BIN2: variants seen among roughly 807,000 people sequenced by gnomAD.
BIN2 encodes breast cancer associated protein BRAP1.
A neutral mutation model predicts 67.9 loss-of-function variants in BIN2; 43 were observed. The observed-to-expected ratio is 0.63, with a 90% CI of 0.50 to 0.82. The LOEUF is 0.82. Among genes scored for constraint, BIN2 ranks in the 40% least tolerant of loss-of-function variants. The pLI is 0.00. For synonymous variants in BIN2, 244 were observed against 246.8 expected (o/e 0.99, Z 0.11); for missense variants, 581 against 671.6 (o/e 0.87, Z 1.49).
At chr12:51,310,310 T>C (rs1204880272) in intron 2 of BIN2, among the ~76,000 whole-genome samples, 1 of 152,146 alleles carries the variant, frequency 6.6e-6, no homozygotes. Context: ...CCTAGTATCA[T>C]TAACAAATAA....
chr12:51,315,426 C>T (rs1449913876), intron 1 of BIN2, among the ~76,000 whole-genome samples: 2 of 152,220 alleles, frequency 1.3e-5, no homozygotes, highest in African/African-American at 2.4e-5. Flanking sequence ...CCCGCCTCGG[C>T]CTCCCAAAGT....
Position 51,292,213 on chromosome 12 carries a change from T to C in BIN2, c.893A>G (p.Asp298Gly), listed in dbSNP as rs1945404555. 1 of 1,610,930 alleles carries C rather than the reference T, an allele frequency of 6.2e-7. No homozygotes were observed. The highest frequency in any genetic ancestry group is 8.5e-7 in the Non-Finnish European group (1 of 1,180,012). ...CCCTTGGGCTGCATCAGGTGCCAGA[T>C]CTTCAGTTGCTGAGACAGATTCACT... ...SESESVSATE[D>G]LAPDAAQGED... The change falls in exon 10 of 13, where the codon GAT becomes GGT. Residue 298 changes from aspartate to glycine, a missense_variant. Transcript: ENST00000615107.
intron 9 of BIN2, among the ~76,000 whole-genome samples, chr12:51,294,364 C>T (rs1945475087): frequency 6.6e-6 from 1 of 152,102 alleles, no homozygotes; most frequent in African/African-American, 2.4e-5. Flanking sequence ...GTCAGAAGTT[C>T]AAGACCAGCC....
chr12:51,312,208 A>G (rs1038473750), intron 2 of BIN2, among the ~76,000 whole-genome samples: 3 of 152,240 alleles, frequency 2.0e-5, no homozygotes, highest in Admixed American at 6.5e-5. Context: ...CCTGATAAGA[A>G]TTATCACAAA....
At chr12:51,300,497 TCTCCCC>T (rs1945694063) in intron 5 of BIN2, among the ~76,000 whole-genome samples, 1 of 152,096 alleles carries the variant, frequency 6.6e-6, no homozygotes, top group South Asian at 2.1e-4. Context: ...AGTAGCCCCA[TCTCCCC>T]TTATACAACT....
intron 9 of BIN2, 31 bp downstream of exon 9, chr12:51,295,765 G>T: frequency 1.9e-6 from 3 of 1,595,402 alleles, no homozygotes; most frequent in Non-Finnish European, 2.6e-6. Flanking sequence ...CACAGGACAA[G>T]CGAAGCAAAA....
At chr12:51,310,050 A>G (rs766903) in intron 2 of BIN2, among the ~76,000 whole-genome samples, 28,827 of 152,202 alleles carry the variant, frequency 0.19, 2,854 homozygotes, top group South Asian at 0.24. Context: ...CTGGCCCTGC[A>G]ACTTATATGC....
chr12:51,285,912 A>G (rs768852396), intron 11 of BIN2, among the ~76,000 whole-genome samples: 2 of 152,140 alleles, frequency 1.3e-5, no homozygotes, highest in African/African-American at 2.4e-5. Context: ...GCACCTGGCC[A>G]ACAGAACCAA....
rs775050 is a variant in BIN2 at position 51,318,390 on chromosome 12, T to C, written c.82-4487A>G. On this transcript the variant is annotated intron_variant, in intron 1 of 12. Transcript: ENST00000615107. ...CATTCTTCTGCCTCAGCCTCCCAAG[T>C]AGCTGGGATTACAGGTGCCCACCAC... Among the ~76,000 whole-genome samples the C allele has an allele frequency of 3.8e-3, 585 of 152,158 alleles. 1 individual carries two copies. Among genetic ancestry groups the C allele is most frequent in the African/African-American group, 0.014 (565 of 41,540 alleles).
chr12:51,314,490 T>C (rs922939242), intron 1 of BIN2, among the ~76,000 whole-genome samples: 2 of 152,064 alleles, frequency 1.3e-5, no homozygotes, highest in Non-Finnish European at 2.9e-5. Flanking sequence ...TATATTAATA[T>C]AAAGCTCAGA....
chr12:51,296,999 G>C, intron 8 of BIN2, 90 bp downstream of exon 8: 2 of 1,211,912 alleles, frequency 1.7e-6, no homozygotes, highest in Middle Eastern at 2.2e-4. Flanking sequence ...GTGCCAATAC[G>C]GATATTTAAA....
Position 51,292,239 on chromosome 12 carries a change from C to G in BIN2, c.867G>C (p.Glu289Asp), listed in dbSNP as rs756105970. 52 of 1,606,590 alleles carry G rather than the reference C, an allele frequency of 3.2e-5. No individual in the cohort carries two copies. The South Asian group carries it at 5.3e-4, about 16-fold the overall frequency. ...CTTCAGTTGCTGAGACAGATTCACT[C>G]TCACTCTTCAAGGAAAGTGTAGAGG... Reference protein sequence around the residue: ...TSPSTLSLKSESESVSATEDL... With the variant: ...TSPSTLSLKSDSESVSATEDL... The change falls in exon 10 of 13, where the codon GAG becomes GAC. Residue 289 changes from glutamate (E) to aspartate (D), a missense_variant. By Grantham distance (45) the Glu-to-Asp change is conservative (BLOSUM62 2). Coordinates refer to ENST00000615107, the MANE Select transcript of BIN2 (RefSeq NM_016293.4).
intron 2 of BIN2, among the ~76,000 whole-genome samples, chr12:51,309,144 A>G (rs553916957): frequency 1.2e-3 from 183 of 151,960 alleles, no homozygotes; most frequent in African/African-American, 4.2e-3. Context: ...CAACTTCTGG[A>G]ACACTTCACT....
At chr12:51,288,890 C>A (rs541695764) in intron 10 of BIN2, among the ~76,000 whole-genome samples, 125 of 152,030 alleles carry the variant, frequency 8.2e-4, no homozygotes, top group African/African-American at 2.8e-3. Flanking sequence ...GCTGGGATTA[C>A]GGCACACACC....
chr12:51,298,514 G>A (rs963173304), intron 7 of BIN2, among the ~76,000 whole-genome samples: 2 of 151,962 alleles, frequency 1.3e-5, no homozygotes, highest in African/African-American at 4.8e-5. Flanking sequence ...ACTCCAGCCT[G>A]GGTGACAGAA....
At chr12:51,301,110 C>T (rs1426504508) in intron 5 of BIN2, among the ~76,000 whole-genome samples, 3 of 151,946 alleles carry the variant, frequency 2.0e-5, no homozygotes, top group South Asian at 2.1e-4. Context: ...CCCAGCTACT[C>T]GGGAGGCTGA....
upstream of BIN2, chr12:51,324,649 G>A: frequency 1.9e-6 from 2 of 1,026,316 alleles, no homozygotes; most frequent in Non-Finnish European, 2.7e-6. Flanking sequence ...ACCCGAGCCG[G>A]GCTTGAAAGA....
In BIN2 at chr12:51,292,209, C is replaced by T; in HGVS notation, c.897G>A (p.Leu299=). 3 of 1,611,268 alleles carry T rather than the reference C, an allele frequency of 1.9e-6. No homozygotes were observed. Among genetic ancestry groups the T allele is most frequent in the Non-Finnish European group, 2.5e-6 (3 of 1,180,012 alleles). The change falls in exon 10 of 13, where the codon CTG becomes CTA. Residue 299 remains leucine, a synonymous_variant. Transcript: ENST00000615107. ...ESESVSATED[L]APDAAQGEDN... ...CTTCCCCTTGGGCTGCATCAGGTGC[C>T]AGATCTTCAGTTGCTGAGACAGATT...
chr12:51,305,180 T>G (rs1287935310), intron 2 of BIN2, among the ~76,000 whole-genome samples: 1 of 142,870 alleles, frequency 7.0e-6, no homozygotes, highest in Non-Finnish European at 1.5e-5. Flanking sequence ...CTACTAAATA[T>G]AAAAAATTAG....
Sources: gnomAD v4.1 joint callset for allele counts (sites outside exome capture counted in the v4.1 genomes callset) on GRCh38, gnomAD v4.1.1 for gene constraint, MANE v1.5 for transcripts, NCBI Gene and HGNC (gene_info 2026-07-23, HGNC 2026-07-21) for gene names.